FBXO3: variants seen among roughly 807,000 people sequenced by gnomAD.
FBXO3 encodes F-box protein 3.
FBXO3 carries 17 observed loss-of-function variants against 64.8 expected under a neutral mutation model. The ratio of observed to expected loss-of-function variants is 0.26; its 90% CI spans 0.18 to 0.39. FBXO3 has a LOEUF of 0.39. Ranked by LOEUF, FBXO3 falls within the 10% of genes least tolerant of loss-of-function variation. The pLI is 1.00. For synonymous variants in FBXO3, 182 were observed against 201.6 expected (o/e 0.90, Z 0.82); for missense variants, 420 against 589.9 (o/e 0.71, Z 2.98).
chr11:33,756,165 A>T (rs375020485), intron 4 of FBXO3, among the ~76,000 whole-genome samples, 190 bp from the exon 5 acceptor site: 53 of 152,374 alleles, frequency 3.5e-4, no homozygotes, highest in African/African-American at 1.1e-3. Context: ...ATTGGAAAAA[A>T]GATTCTGATT....
chr11:33,768,960 G>C lies in FBXO3; in HGVS notation c.249C>G (p.Tyr83Ter). Residue 83 changes from tyrosine (Y) to a stop codon, truncating the protein, a stop_gained, in exon 3 of 11, where the codon TAC (tyrosine) becomes TAG (stop). Transcript: ENST00000265651. LOFTEE classifies it high-confidence loss of function. Reference protein sequence around the residue: ...QCWKSLFIDTYSDVGRYIDHY... With the variant: ...QCWKSLFIDT The stretch of plus-strand genomic sequence containing the variant: ...GGTCAATGTATCTTCCTACATCAGA[G>C]TAAGTATCTATGAAGAGAGATTTCC... 6.2e-7 allele frequency: 1 copy of C among 1,613,684 alleles called. No homozygotes were observed.
chr11:33,747,145 C>A lies in FBXO3; in HGVS notation c.1224G>T (p.Val408=). ...TTTAACTTACCAATCGGGCTATAGA[C>A]ACCCTGAATGTTGGACATGCCATAT... ...RFHMACPTFR[V]SIARLEMGPD... Residue 408 remains valine, a synonymous_variant, in exon 10 of 11, where the codon GTG becomes GTT. Transcript: ENST00000265651. 6.2e-7 allele frequency: 1 copy of A among 1,609,544 alleles called. No homozygotes were observed. Among genetic ancestry groups the A allele is most frequent in the Non-Finnish European group, 8.5e-7 (1 of 1,178,978 alleles).
intron 3 of FBXO3, among the ~76,000 whole-genome samples, chr11:33,767,430 G>A (rs1157302189): frequency 6.6e-6 from 1 of 152,184 alleles, no homozygotes. Context: ...CTCCTGAGTA[G>A]CTGGGACTAC....
At chr11:33,770,953 C>G (rs1855496595) in intron 1 of FBXO3, 123 bp from the exon 2 acceptor site, 1 of 684,616 alleles carries the variant, frequency 1.5e-6, no homozygotes, top group African/African-American at 1.8e-5. Flanking sequence ...ACTTATTACC[C>G]TTATAATTAC....
At chr11:33,767,357 T>C (rs889034605) in intron 3 of FBXO3, among the ~76,000 whole-genome samples, 3 of 152,238 alleles carry the variant, frequency 2.0e-5, no homozygotes, top group Admixed American at 6.5e-5. Context: ...TGGAGTGCAG[T>C]GGCGCGATCT....
chr11:33,764,131 A>G (rs1855309899), intron 3 of FBXO3, among the ~76,000 whole-genome samples: 1 of 152,238 alleles, frequency 6.6e-6, no homozygotes, highest in Non-Finnish European at 1.5e-5. Context: ...CCAAATATCC[A>G]TTAACAGTAG....
chr11:33,763,053 CATAAGA>C, intron 3 of FBXO3, among the ~76,000 whole-genome samples: 1 of 152,098 alleles, frequency 6.6e-6, no homozygotes, highest in Non-Finnish European at 1.5e-5. Flanking sequence ...TCAAAATTGA[CATAAGA>C]ATAAATAGAA....
chr11:33,748,771 C>T lies in FBXO3; in HGVS notation c.1048+6G>A, dbSNP rs960613525. On this transcript the variant is annotated splice_donor_region_variant and intron_variant, in intron 9 of 10. Coordinates refer to ENST00000265651, the MANE Select transcript of FBXO3 (RefSeq NM_012175.4). Reference sequence around the variant, plus strand: ...AATGTATAAACCTAAATCTTGGGTTCCATACCAACTACTCCAGGTCCTTGA... The same window carrying T: ...AATGTATAAACCTAAATCTTGGGTTTCATACCAACTACTCCAGGTCCTTGA... 2 of 1,586,166 alleles carry T rather than the reference C, an allele frequency of 1.3e-6. No homozygotes were observed. Among genetic ancestry groups the T allele is most frequent in the Admixed American group, 1.7e-5 (1 of 59,660 alleles).
intron 2 of FBXO3, among the ~76,000 whole-genome samples, chr11:33,769,411 C>A (rs1855456519): frequency 6.6e-6 from 1 of 152,046 alleles, no homozygotes; most frequent in Admixed American, 6.5e-5. Flanking sequence ...TAACACATAT[C>A]TACACTGAAT....
At chr11:33,751,813 TC>T (rs1564988054) in intron 6 of FBXO3, among the ~76,000 whole-genome samples, 1 of 152,178 alleles carries the variant, frequency 6.6e-6, no homozygotes, top group East Asian at 1.9e-4. Context: ...CCCCTCTTCA[TC>T]CCCCCAACTA....
At chr11:33,754,629 G>T in intron 5 of FBXO3, 129 bp from the exon 6 acceptor site, 1 of 664,148 alleles carries the variant, frequency 1.5e-6, no homozygotes, top group Non-Finnish European at 2.4e-6. Context: ...AAGATATATG[G>T]CTTGTTATCC....
At chr11:33,754,869 C>CTTT (rs35020100) in intron 5 of FBXO3, among the ~76,000 whole-genome samples, 5 of 144,088 alleles carry the variant, frequency 3.5e-5, no homozygotes, top group Non-Finnish European at 7.6e-5. Flanking sequence ...AAAGCATTTT[C>CTTT]TTTTTTTTTT....
chr11:33,770,005 A>G (rs1008557743), intron 2 of FBXO3, among the ~76,000 whole-genome samples: 1 of 152,134 alleles, frequency 6.6e-6, no homozygotes, highest in Non-Finnish European at 1.5e-5. Context: ...CAACTCCTCA[A>G]AGGAAATCTT....
At chr11:33,756,841 G>T (rs1476587381) in intron 4 of FBXO3, among the ~76,000 whole-genome samples, 1 of 152,088 alleles carries the variant, frequency 6.6e-6, no homozygotes, top group Non-Finnish European at 1.5e-5. Context: ...GAGATCCACA[G>T]CTCCTGAGTA....
intron 3 of FBXO3, among the ~76,000 whole-genome samples, chr11:33,759,190 G>A (rs1221329526): frequency 1.3e-5 from 2 of 152,300 alleles, no homozygotes; most frequent in South Asian, 2.1e-4. Flanking sequence ...TTGCTGAATA[G>A]TGAAAACAAA....
intron 8 of FBXO3, among the ~76,000 whole-genome samples, chr11:33,749,111 A>G (rs1854889285): frequency 6.6e-6 from 1 of 152,228 alleles, no homozygotes; most frequent in Non-Finnish European, 1.5e-5. Context: ...CAACTTATGC[A>G]TTTGACTGTC....
At chr11:33,771,790 A>G (rs1162599305) in intron 1 of FBXO3, 1 of 152,212 alleles carries the variant, frequency 6.6e-6, no homozygotes, top group Non-Finnish European at 1.5e-5. Context: ...TAACTTTTGT[A>G]AACATAGGAA....
chr11:33,755,778 T>G lies in FBXO3; in HGVS notation c.671A>C (p.Gln224Pro). The G allele has an allele frequency of 6.2e-7, 1 of 1,612,566 alleles. No individual in the cohort carries two copies. Among genetic ancestry groups the G allele is most frequent in the Non-Finnish European group, 8.5e-7 (1 of 1,178,764 alleles). ...AACACACGTTCTACTTACTGGACAT[T>G]GGTAGAAAACTTCATTTTTGTTTCG... ...EGRNKNEVFY[Q>P]CPDQMARNPA... is the part of the protein sequence containing the mutation. Residue 224 changes from glutamine to proline, a missense_variant, in exon 5 of 11, where the codon CAA (glutamine) becomes CCA (proline). Physicochemically the swap from Gln to Pro is moderately conservative, Grantham distance 76. This residue lies in a region of FBXO3 where 337 missense variants were observed against 518.4 expected (regional missense o/e 0.65). Transcript: ENST00000265651.
chr11:33,764,101 T>C (rs1180842807), intron 3 of FBXO3, among the ~76,000 whole-genome samples: 2 of 152,152 alleles, frequency 1.3e-5, no homozygotes, highest in East Asian at 1.9e-4. Context: ...TTATTTGTAA[T>C]AGCCAGAAAT....
Sources: allele counts gnomAD v4.1 joint callset (sites outside exome capture counted in the v4.1 genomes callset), GRCh38; gene constraint gnomAD v4.1.1; regional missense constraint gnomAD v4.1.1; transcripts MANE v1.5; gene names NCBI Gene and HGNC (gene_info 2026-07-23, HGNC 2026-07-21).